Variants in NASP observed in about 807,000 individuals in gnomAD.
NASP encodes the protein NASP histone chaperone.
NASP carries 24 observed loss-of-function variants against 89.5 expected under a neutral mutation model. The observed-to-expected ratio is 0.27, with a 90% CI of 0.19 to 0.38. The LOEUF (loss-of-function observed/expected upper bound fraction) is 0.38. NASP is among the 10% of genes least tolerant of loss of function. NASP has a pLI of 1.00. For missense variants in NASP, 848 were observed against 921.4 expected, an observed-to-expected ratio of 0.92 and a Z score of 1.03; for synonymous variants, 306 against 324.7, an observed-to-expected ratio of 0.94 and a Z score of 0.62.
At position 45,613,268 on chromosome 1, in the gene NASP, G is replaced by A; in HGVS notation, c.1506+20G>A. On this transcript the variant is annotated intron_variant, in intron 7 of 14. Coordinates refer to ENST00000350030, the MANE Select transcript of NASP (RefSeq NM_002482.4). ...AACAAGGTATGTTGTTAGCCACTCA[G>A]TACTGTTGTCAGCCTTTTTCTGTTT... 6.3e-7 allele frequency: 1 copy of A among 1,597,058 alleles called. No individual in the cohort carries two copies. The highest frequency in any genetic ancestry group is 1.1e-5 in the South Asian group (1 of 88,438).
chr1:45,603,039 T>A (rs1643871592), intron 3 of NASP, among the ~76,000 whole-genome samples: 1 of 152,194 alleles, frequency 6.6e-6, no homozygotes, highest in Non-Finnish European at 1.5e-5. Flanking sequence ...TTTTCATACA[T>A]TTTTAGCACA....
Position 45,602,331 on chromosome 1 carries a change from G to A in NASP, c.184G>A (p.Ala62Thr). 6.2e-7 allele frequency: 1 copy of A among 1,613,646 alleles called. No individual in the cohort carries two copies. The highest frequency in any genetic ancestry group is 8.5e-7 in the Non-Finnish European group (1 of 1,179,692). The change falls in exon 3 of 15, where the codon GCT (alanine) becomes ACT (threonine). Residue 62 changes from alanine to threonine, a missense_variant. Ala to Thr is a moderately conservative substitution (Grantham distance 58). This residue lies in a region of NASP where 89 missense variants were observed against 79.2 expected (regional missense o/e 1.12). Coordinates refer to ENST00000350030, the MANE Select transcript of NASP (RefSeq NM_002482.4). ...TCTGGTGATGGGGGATATTCCAGCAGCTGTCAATGCATTCCAGGAAGCAGC... is the reference window on the plus strand; with the variant it reads ...TCTGGTGATGGGGGATATTCCAGCAACTGTCAATGCATTCCAGGAAGCAGC... Reference protein sequence around the residue: ...KHLVMGDIPAAVNAFQEAASL... With the variant: ...KHLVMGDIPATVNAFQEAASL...
chr1:45,618,026 G>C lies in NASP; in HGVS notation c.2287-35G>C, dbSNP rs1203604747. 3.2e-6 allele frequency: 5 copies of C among 1,564,274 alleles called. No homozygotes were observed. In the East Asian group the frequency reaches 1.2e-4, roughly 37 times the overall value. ...ATATAAGACAGAATGGCTTAAACTA[G>C]GCTCACTCATGCCCAGGTTCTGTTT... On this transcript the variant is annotated intron_variant, in intron 14 of 14. Coordinates refer to ENST00000350030, the MANE Select transcript of NASP (RefSeq NM_002482.4).
rs1329692646 is a variant in NASP, at chr1:45,618,075, T to C, written c.2301T>C (p.Ala767=). The change falls in exon 15 of 15, where the codon GCT becomes GCC. Residue 767 remains alanine, a synonymous_variant. Coordinates refer to ENST00000350030, the MANE Select transcript of NASP (RefSeq NM_002482.4). ...TTGTCTTCCAGGCTGAGAATCAGGC[T>C]GAAAGCCGGGCAGCAGTGGAGGGGA... is the stretch of plus-strand genomic sequence containing the variant. ...ENMEEEAENQ[A]ESRAAVEGTV... is the part of the protein sequence containing the mutation. 1.9e-6 allele frequency: 3 copies of C among 1,601,946 alleles called. No homozygotes were observed. The African/African-American group carries it at 4.0e-5, about 21-fold the overall frequency.
intron 14 of NASP, 125 bp downstream of exon 14, chr1:45,617,716 A>G (rs1644131675): frequency 1.7e-6 from 2 of 1,172,194 alleles, no homozygotes; most frequent in East Asian, 2.6e-5. Context: ...TGCAGTCCTC[A>G]CAGAAAACGG....
chr1:45,585,946 T>C (rs1644527454), intron 1 of NASP, among the ~76,000 whole-genome samples: 1 of 152,174 alleles, frequency 6.6e-6, no homozygotes, highest in African/African-American at 2.4e-5. Flanking sequence ...GCCAGGTGTT[T>C]TTGTTTTTGT....
At position 45,584,457 on chromosome 1, in the gene NASP, G is replaced by C. The variant is rs1644497605; in HGVS notation, c.59+252G>C. ...GGCCGCCATCTTGCCGGGGGCAGCG[G>C]CGGCTGTATCCTTCGCCTGCCCCTC... On this transcript the variant is annotated intron_variant, in intron 1 of 14. Coordinates refer to ENST00000350030, the MANE Select transcript of NASP (RefSeq NM_002482.4). Among the ~76,000 whole-genome samples the C allele has an allele frequency of 2.0e-5, 3 of 152,322 alleles. No individual in the cohort carries two copies. The South Asian group carries it at 6.2e-4, about 32-fold the overall frequency.
intron 2 of NASP, among the ~76,000 whole-genome samples, chr1:45,599,497 G>A (rs1643782273): frequency 6.6e-6 from 1 of 151,724 alleles, no homozygotes; most frequent in South Asian, 2.1e-4. Context: ...GCACAATCTC[G>A]GCTCACTGCA....
At chr1:45,615,532 T>G (rs1345145980) in intron 11 of NASP, 61 bp downstream of exon 11, 1 of 1,506,224 alleles carries the variant, frequency 6.6e-7, no homozygotes, top group Non-Finnish European at 9.0e-7. Flanking sequence ...AATGTTCTAT[T>G]TGCCAGGAAC....
At chr1:45,617,965 G>A in intron 14 of NASP, 96 bp from the exon 15 acceptor site, 1 of 1,085,460 alleles carries the variant, frequency 9.2e-7, no homozygotes, top group Admixed American at 2.2e-5. Context: ...GAGTTTGGGT[G>A]ACTTGTATAT....
rs111232569 is a variant in NASP, at chr1:45,617,112, G to C, written c.2158-351G>C. ...CCCACCTCGGCATCCCAAAGTGCTG[G>C]GATTATAAGCGTGAGCCACTGCCCT... On this transcript the variant is annotated intron_variant, in intron 13 of 14. Transcript: ENST00000350030. 67 of 302,404 alleles carry C rather than the reference G, an allele frequency of 2.2e-4. 2 individuals carry two copies. The highest frequency in any genetic ancestry group is 1.4e-3 in the African/African-American group (64 of 45,460). The allele number at this position is 302,404 out of a possible 1,614,324, so 18.7% of individuals were successfully genotyped here.
At chr1:45,600,352 C>A in intron 2 of NASP, 1 of 1,250,066 alleles carries the variant, frequency 8.0e-7, no homozygotes, top group South Asian at 1.4e-5. Context: ...AAGTTTTTTC[C>A]TCATGTGCCT....
chr1:45,610,843 G>C (rs1030871511), intron 6 of NASP: 3 of 152,316 alleles, frequency 2.0e-5, no homozygotes, highest in Non-Finnish European at 2.9e-5. Context: ...AGCCTCCTGA[G>C]TAGCTGGGAC....
chr1:45,606,432 T>G (rs761410863), intron 4 of NASP, 50 bp from the exon 5 acceptor site: 25 of 1,333,978 alleles, frequency 1.9e-5, no homozygotes, highest in Middle Eastern at 3.7e-4. Flanking sequence ...TTAGAAAAAA[T>G]TGCTAGGTTC....
rs1220820175 is a variant in NASP, at chr1:45,606,526, T to C, written c.344T>C (p.Val115Ala). The C allele has an allele frequency of 6.2e-7, 1 of 1,613,946 alleles. No homozygotes were observed. The highest frequency in any genetic ancestry group is 1.1e-5 in the South Asian group (1 of 91,078). Residue 115 changes from valine to alanine, a missense_variant, in exon 5 of 15, where the codon GTG (valine) becomes GCG (alanine). Around this residue, in one of 5 missense-constraint regions of NASP, gnomAD observed 464 missense variants for 469.4 expected, o/e 0.99. Transcript: ENST00000350030. ...GGAAACGCCTTGGAAGGTGTGCATG[T>C]GGAAGAGGAAGAAGGAGAAAAAACA... ...VLGNALEGVH[V>A]EEEEGEKTED...
At chr1:45,593,863 A>G (rs1012432998) in intron 2 of NASP, among the ~76,000 whole-genome samples, 1 of 151,726 alleles carries the variant, frequency 6.6e-6, no homozygotes, top group African/African-American at 2.4e-5. Context: ...TACAAAAAAA[A>G]AAAATTTTTT....
chr1:45,608,814 T>C (rs1219451095), intron 6 of NASP, among the ~76,000 whole-genome samples: 2 of 152,182 alleles, frequency 1.3e-5, no homozygotes, highest in East Asian at 1.9e-4. Context: ...ATCCACTGAA[T>C]TGGTACACTG....
At chr1:45,605,178 A>G (rs1643891864) in intron 4 of NASP, among the ~76,000 whole-genome samples, 162 bp downstream of exon 4, 3 of 152,218 alleles carry the variant, frequency 2.0e-5, no homozygotes. Flanking sequence ...ATTAGTAGTT[A>G]TATTTAAGTT....
At chr1:45,613,705 G>C (rs1162228455) in intron 7 of NASP, among the ~76,000 whole-genome samples, 1 of 151,856 alleles carries the variant, frequency 6.6e-6, no homozygotes, top group Non-Finnish European at 1.5e-5. Context: ...GCCCAGGCTG[G>C]TCTCAAACCT....
Sources: allele counts gnomAD v4.1 joint callset (sites outside exome capture counted in the v4.1 genomes callset), GRCh38; gene constraint gnomAD v4.1.1; regional missense constraint gnomAD v4.1.1; transcripts MANE v1.5; gene names NCBI Gene and HGNC (gene_info 2026-07-23, HGNC 2026-07-21).